CNTNAP3: variants seen among roughly 807,000 people sequenced by gnomAD.
The protein encoded by CNTNAP3 is contactin associated protein family member 3, also known as contactin-associated protein-like 3.
In CNTNAP3, 36 loss-of-function variants were observed where a neutral mutation model predicts 92.1. The ratio of observed to expected loss-of-function variants is 0.39; its 90% CI spans 0.30 to 0.52. The LOEUF is 0.52. CNTNAP3 is among the 20% of genes least tolerant of loss of function. The pLI is 0.76. For missense variants in CNTNAP3, 534 were observed against 1,069.6 expected (o/e 0.50, Z 6.98); for synonymous variants, 232 against 422.3 (o/e 0.55, Z 5.53).
At chr9:39,074,959 G>A (rs1252847598) in intron 23 of CNTNAP3, among the ~76,000 whole-genome samples, 5 of 152,260 alleles carry the variant, frequency 3.3e-5, no homozygotes, top group African/African-American at 7.2e-5. Flanking sequence ...TAGTAGAGAC[G>A]GGGTTTCACC....
rs1821189160 is a variant in CNTNAP3 at position 39,128,027 on chromosome 9, CG to C, written c.2080+4904del. Reference sequence around the variant, plus strand: ...CTAATTTTTGTATTTTTAGTGGAGACGGGGTTTCACCATGTTGGCCAGGCAG... The same window carrying C: ...CTAATTTTTGTATTTTTAGTGGAGACGGGTTTCACCATGTTGGCCAGGCAG... On this transcript the variant is annotated intron_variant, in intron 13 of 23. Coordinates refer to ENST00000297668, the MANE Select transcript of CNTNAP3 (RefSeq NM_033655.5). Among the ~76,000 whole-genome samples the C allele has an allele frequency of 7.9e-5, 12 of 152,076 alleles. No individual in the cohort carries two copies. The South Asian group carries it at 2.3e-3, about 29-fold the overall frequency.
At chr9:39,129,409 A>C (rs1821223852) in intron 13 of CNTNAP3, among the ~76,000 whole-genome samples, 1 of 152,166 alleles carries the variant, frequency 6.6e-6, no homozygotes, top group African/African-American at 2.4e-5. Flanking sequence ...ATGGTTCTGG[A>C]GCAACTGAAC....
intron 18 of CNTNAP3, among the ~76,000 whole-genome samples, chr9:39,094,690 A>G (rs1158522320): frequency 1.3e-5 from 2 of 151,626 alleles, no homozygotes; most frequent in African/African-American, 4.8e-5. Context: ...TCTCAGCTCT[A>G]TTCCATTGAT....
chr9:39,098,306 A>C (rs1433765311), intron 18 of CNTNAP3, among the ~76,000 whole-genome samples: 12 of 149,928 alleles, frequency 8.0e-5, no homozygotes, highest in African/African-American at 1.7e-4. Context: ...ACATACACAC[A>C]CCCCCCAAAT....
chr9:39,120,397 G>A (rs1432306947), intron 13 of CNTNAP3, among the ~76,000 whole-genome samples: 2 of 152,126 alleles, frequency 1.3e-5, no homozygotes, highest in African/African-American at 4.8e-5. Flanking sequence ...TTTTTAGGCC[G>A]GGTGCGGTGG....
intron 23 of CNTNAP3, among the ~76,000 whole-genome samples, chr9:39,076,060 C>T (rs1825753752): frequency 3.3e-5 from 5 of 152,298 alleles, no homozygotes; most frequent in Non-Finnish European, 7.3e-5. Flanking sequence ...CCACAGACTC[C>T]TTTTCATCCC....
intron 18 of CNTNAP3, among the ~76,000 whole-genome samples, chr9:39,099,206 G>A (rs1826394848): frequency 6.6e-6 from 1 of 151,980 alleles, no homozygotes; most frequent in African/African-American, 2.4e-5. Flanking sequence ...CGCCTGCCTT[G>A]GCCTCCCAAA....
intron 21 of CNTNAP3, chr9:39,085,092 T>A (rs1280810853): frequency 4.1e-5 from 6 of 147,070 alleles, no homozygotes; most frequent in South Asian, 2.2e-4. Flanking sequence ...TGGGTTTTTT[T>A]AAAAAAAGAT....
At position 39,148,240 on chromosome 9, in the gene CNTNAP3, C is replaced by T. The variant is rs114388695; in HGVS notation, c.1649+1566G>A. Among the ~76,000 whole-genome samples, 387 of 152,274 alleles carry T rather than the reference C, an allele frequency of 2.5e-3. 4 individuals are homozygous for T. Among genetic ancestry groups the T allele is most frequent in the African/African-American group, 8.8e-3 (366 of 41,550 alleles). On this transcript the variant is annotated intron_variant, in intron 10 of 23. Coordinates refer to ENST00000297668, the MANE Select transcript of CNTNAP3 (RefSeq NM_033655.5). ...ATGAGAGGTACTTGACAAATTCTTG[C>T]ACTTCATATACTCCTCATCTTTGAA...
At chr9:39,124,347 T>C (rs1478142348) in intron 13 of CNTNAP3, among the ~76,000 whole-genome samples, 5 of 151,922 alleles carry the variant, frequency 3.3e-5, no homozygotes, top group African/African-American at 1.2e-4. Flanking sequence ...AAACAAAAAA[T>C]GTGACAGGGG....
chr9:39,072,827 T>C lies in CNTNAP3; in HGVS notation c.*1063A>G, dbSNP rs1052636400. The C allele has an allele frequency of 3.9e-5, 6 of 152,830 alleles. No homozygotes were observed. Among genetic ancestry groups the C allele is most frequent in the African/African-American group, 1.4e-4 (6 of 41,606 alleles). 9.5% of individuals were successfully genotyped at this position (152,830 alleles called of 1,614,324 possible). A position where few individuals can be genotyped will look rare whatever the true frequency, so the allele number is the denominator to read the frequency against. On this transcript the variant is annotated 3_prime_UTR_variant, in exon 24 of 24. Coordinates refer to ENST00000297668, the MANE Select transcript of CNTNAP3 (RefSeq NM_033655.5). ...TGTTCTGTACAACATAATAGAGTCA[T>C]AGGAAATCAAAAGCATATCAGTAAC...
chr9:39,129,537 A>G (rs1038736757), intron 13 of CNTNAP3, among the ~76,000 whole-genome samples: 36 of 152,338 alleles, frequency 2.4e-4, no homozygotes, highest in African/African-American at 7.5e-4. Flanking sequence ...TAGGAAAAAA[A>G]TTCAAAAATC....
intron 12 of CNTNAP3, among the ~76,000 whole-genome samples, chr9:39,133,664 C>A (rs1400499592): frequency 6.6e-6 from 1 of 152,082 alleles, no homozygotes; most frequent in Non-Finnish European, 1.5e-5. Flanking sequence ...AATCAGAGGC[C>A]TTGAGCTTCT....
At chr9:39,105,640 T>C (rs1291404504) in intron 15 of CNTNAP3, among the ~76,000 whole-genome samples, 1 of 152,140 alleles carries the variant, frequency 6.6e-6, no homozygotes, top group Non-Finnish European at 1.5e-5. Context: ...AGCTTTTTCT[T>C]TCCCCTTTGT....
intron 18 of CNTNAP3, among the ~76,000 whole-genome samples, chr9:39,096,462 T>G (rs1475939621): frequency 1.3e-5 from 2 of 152,020 alleles, no homozygotes; most frequent in Non-Finnish European, 2.9e-5. Flanking sequence ...GGGGTAGAGG[T>G]AATATTTTGA....
At chr9:39,087,627 C>A in intron 19 of CNTNAP3, among the ~76,000 whole-genome samples, 1 of 152,156 alleles carries the variant, frequency 6.6e-6, no homozygotes, top group East Asian at 1.9e-4. Flanking sequence ...GCTGGGACTA[C>A]AGGTGCCCAC....
intron 13 of CNTNAP3, among the ~76,000 whole-genome samples, chr9:39,132,447 CATT>C (rs1280267163): frequency 6.6e-6 from 1 of 152,012 alleles, no homozygotes; most frequent in Non-Finnish European, 1.5e-5. Context: ...TAACCCTAGT[CATT>C]ATTTCATCCT....
At chr9:39,112,829 A>G (rs1820740946) in intron 14 of CNTNAP3, among the ~76,000 whole-genome samples, 1 of 152,180 alleles carries the variant, frequency 6.6e-6, no homozygotes, top group Non-Finnish European at 1.5e-5. Flanking sequence ...GTATGTCTTG[A>G]CAGCTAACAG....
intron 13 of CNTNAP3, among the ~76,000 whole-genome samples, chr9:39,131,817 C>T (rs10974162): frequency 6.6e-6 from 1 of 150,848 alleles, no homozygotes; most frequent in Non-Finnish European, 1.5e-5. Flanking sequence ...GACAGAGAGG[C>T]CAATCCAGGC....
Sources: allele counts gnomAD v4.1 joint callset (sites outside exome capture counted in the v4.1 genomes callset), GRCh38; gene constraint gnomAD v4.1.1; transcripts MANE v1.5; gene names NCBI Gene and HGNC (gene_info 2026-07-23, HGNC 2026-07-21).